The following CSMD1 variants were observed in gnomAD, a reference collection of about 807,000 sequenced individuals.
CSMD1 encodes the protein CUB and sushi domain-containing protein 1.
Under a neutral mutation model 417.5 loss-of-function variants are expected in CSMD1, and 213 were observed. That is an observed-to-expected ratio of 0.51 (90% confidence interval 0.46 to 0.57). CSMD1 has a LOEUF of 0.57. CSMD1 is among the 20% of genes least tolerant of loss of function. CSMD1 has a pLI of 0.00. For synonymous variants in CSMD1, 2,862 were observed against 1,736.8 expected (o/e 1.65, Z -16.11); for missense variants, 6,923 against 4,529.7 (o/e 1.53, Z -15.17).
intron 3 of CSMD1, among the ~76,000 whole-genome samples, chr8:4,359,764 C>G (rs1056434451): frequency 6.6e-6 from 1 of 152,194 alleles, no homozygotes; most frequent in Non-Finnish European, 1.5e-5. Context: ...CAAGGGTCCA[C>G]GTCAAGGAGT....
chr8:4,244,789 T>C (rs935920398), intron 3 of CSMD1, among the ~76,000 whole-genome samples: 2 of 152,176 alleles, frequency 1.3e-5, no homozygotes, highest in African/African-American at 4.8e-5. Flanking sequence ...GGATATTTTA[T>C]ACGTATGTAT....
chr8:4,698,520 T>C (rs778246937), intron 1 of CSMD1, among the ~76,000 whole-genome samples: 3 of 151,872 alleles, frequency 2.0e-5, no homozygotes, highest in South Asian at 2.1e-4. Context: ...CCTAAAGAAG[T>C]CCACCTACAG....
intron 1 of CSMD1, among the ~76,000 whole-genome samples, chr8:4,982,756 C>G (rs1232311068): frequency 6.6e-6 from 1 of 152,154 alleles, no homozygotes; most frequent in African/African-American, 2.4e-5. Flanking sequence ...AGATCATACC[C>G]CAAAGTTCGG....
At chr8:3,631,845 C>G (rs543364027) in intron 7 of CSMD1, among the ~76,000 whole-genome samples, 41 of 152,092 alleles carry the variant, frequency 2.7e-4, no homozygotes, top group Non-Finnish European at 5.3e-4. Context: ...CTTAATTTAT[C>G]TTTAAAACGT....
intron 41 of CSMD1, among the ~76,000 whole-genome samples, chr8:3,135,977 G>A (rs1296472057): frequency 1.3e-5 from 2 of 152,150 alleles, no homozygotes; most frequent in African/African-American, 2.4e-5. Flanking sequence ...CCAGGCTCCA[G>A]ACATGCCCCA....
intron 5 of CSMD1, among the ~76,000 whole-genome samples, chr8:3,829,339 C>G (rs1189168320): frequency 6.6e-6 from 1 of 152,176 alleles, no homozygotes; most frequent in Non-Finnish European, 1.5e-5. Flanking sequence ...ATAACCAGGT[C>G]TTTCTGGTTA....
Position 3,772,343 on chromosome 8 carries a change from A to ATG in CSMD1, c.819-18302_819-18301insCA, listed in dbSNP as rs1563063982. Among the ~76,000 whole-genome samples the ATG allele has an allele frequency of 2.3e-3, 332 of 142,928 alleles. 70 individuals carry two copies. Among genetic ancestry groups the ATG allele is most frequent in the Middle Eastern group, 7.4e-3 (2 of 272 alleles). The allele number at this position is 142,928 out of a possible 152,430, so 93.8% of individuals were successfully genotyped here. On this transcript the variant is annotated intron_variant, in intron 5 of 69. Coordinates refer to ENST00000635120, the MANE Select transcript of CSMD1 (RefSeq NM_033225.6). ...TATGTACATATATTTAGACATACAT[A>ATG]TATACATATATTTATATATACATAT...
intron 3 of CSMD1, among the ~76,000 whole-genome samples, chr8:4,084,973 A>G (rs780371858): frequency 1.3e-5 from 2 of 152,184 alleles, no homozygotes; most frequent in African/African-American, 2.4e-5. Flanking sequence ...GGAGATGGCC[A>G]TATTACCACA....
At chr8:3,495,821 T>C (rs138861989) in intron 10 of CSMD1, among the ~76,000 whole-genome samples, 2 of 152,326 alleles carry the variant, frequency 1.3e-5, no homozygotes, top group South Asian at 2.1e-4. Flanking sequence ...TCCTACAGCA[T>C]ATGCACCCTC....
At chr8:3,330,879 C>T (rs1303183820) in intron 23 of CSMD1, among the ~76,000 whole-genome samples, 1 of 152,142 alleles carries the variant, frequency 6.6e-6, no homozygotes, top group Non-Finnish European at 1.5e-5. Context: ...TTTTTATTTA[C>T]CTCATGAAAA....
chr8:3,561,755 T>A (rs141957306), intron 10 of CSMD1, among the ~76,000 whole-genome samples: 1 of 151,974 alleles, frequency 6.6e-6, no homozygotes, highest in Non-Finnish European at 1.5e-5. Flanking sequence ...ACTGGACATA[T>A]ACCCGCTTTA....
intron 3 of CSMD1, among the ~76,000 whole-genome samples, chr8:4,295,322 GCA>G (rs1403916942): frequency 1.8e-5 from 2 of 109,820 alleles, no homozygotes; most frequent in African/African-American, 5.6e-5. Context: ...TTAAGATTAT[GCA>G]CATATAATCT....
chr8:4,373,064 G>A (rs909245518), intron 3 of CSMD1, among the ~76,000 whole-genome samples: 2 of 152,142 alleles, frequency 1.3e-5, no homozygotes, highest in African/African-American at 4.8e-5. Flanking sequence ...GATGTGATGA[G>A]AAGACAGTTT....
chr8:3,767,478 C>T (rs1413557114), intron 5 of CSMD1, among the ~76,000 whole-genome samples: 2 of 152,184 alleles, frequency 1.3e-5, no homozygotes, highest in East Asian at 1.9e-4. Context: ...TTCTCTCAAG[C>T]ATCTTTTTCT....
chr8:3,059,694 C>T (rs1466313718), intron 49 of CSMD1, among the ~76,000 whole-genome samples: 1 of 152,000 alleles, frequency 6.6e-6, no homozygotes. Context: ...ACGTAGGAAG[C>T]CCAGTAGGGC....
At chr8:4,994,296 C>G (rs773764504) in intron 1 of CSMD1, 36 bp downstream of exon 1, 7 of 1,595,470 alleles carry the variant, frequency 4.4e-6, no homozygotes, top group Non-Finnish European at 6.0e-6. Context: ...TCCGAGGGCT[C>G]TACCGCCTCC....
At chr8:4,158,183 T>C (rs1274659227) in intron 3 of CSMD1, among the ~76,000 whole-genome samples, 1 of 151,686 alleles carries the variant, frequency 6.6e-6, no homozygotes, top group African/African-American at 2.4e-5. Flanking sequence ...GTGAAGTCTC[T>C]CCTTTCCTAA....
At chr8:3,500,126 C>T (rs955409648) in intron 10 of CSMD1, among the ~76,000 whole-genome samples, 3 of 152,156 alleles carry the variant, frequency 2.0e-5, no homozygotes, top group African/African-American at 7.2e-5. Flanking sequence ...CCTACCTGCG[C>T]ACTTCACGTT....
intron 3 of CSMD1, among the ~76,000 whole-genome samples, chr8:4,400,764 T>TTC (rs909582857): frequency 1.3e-4 from 19 of 147,624 alleles, no homozygotes; most frequent in African/African-American, 4.5e-4. Flanking sequence ...CAGATCAGTT[T>TTC]TTTTTTTTTT....
Sources: gnomAD v4.1 joint callset for allele counts (sites outside exome capture counted in the v4.1 genomes callset) on GRCh38, gnomAD v4.1.1 for gene constraint, MANE v1.5 for transcripts, NCBI Gene and HGNC (gene_info 2026-07-23, HGNC 2026-07-21) for gene names.